The following GNA12 variants were observed in gnomAD, a reference collection of about 807,000 sequenced individuals.
GNA12 encodes G protein subunit alpha 12, also known as guanine nucleotide-binding protein subunit alpha-12.
GNA12 carries 9 observed loss-of-function variants against 26.0 expected under a neutral mutation model. The ratio of observed to expected loss-of-function variants is 0.35; its 90% CI spans 0.21 to 0.60. The LOEUF is 0.60. Ranked by LOEUF, GNA12 falls within the 20% of genes least tolerant of loss-of-function variation. The pLI is 0.78. For synonymous variants in GNA12, 264 were observed against 219.6 expected (o/e 1.20, Z -1.79); for missense variants, 405 against 525.8 (o/e 0.77, Z 2.25).
intron 1 of GNA12, among the ~76,000 whole-genome samples, chr7:2,804,025 A>C (rs1792881062): frequency 6.6e-6 from 1 of 152,206 alleles, no homozygotes; most frequent in Non-Finnish European, 1.5e-5. Flanking sequence ...AAGTCTCGGA[A>C]TCTCCCTTCA....
At chr7:2,767,789 T>C (rs1463527650) in intron 2 of GNA12, among the ~76,000 whole-genome samples, 1 of 152,218 alleles carries the variant, frequency 6.6e-6, no homozygotes, top group Non-Finnish European at 1.5e-5. Context: ...GTAAATAAAA[T>C]CTGAGAATAT....
chr7:2,766,989 G>T lies in GNA12; in HGVS notation c.525+27939C>A, dbSNP rs545126554. Among the ~76,000 whole-genome samples the T allele has an allele frequency of 2.0e-5, 3 of 152,254 alleles. No individual in the cohort carries two copies. The South Asian group carries it at 6.2e-4, about 32-fold the overall frequency. On this transcript the variant is annotated intron_variant, in intron 2 of 3. Coordinates refer to ENST00000275364, the MANE Select transcript of GNA12 (RefSeq NM_007353.3). ...TGATTTGCATTTCTCTGACCATCAG[G>T]GATACTGAGATACTTTGCATAGGCT...
intron 2 of GNA12, among the ~76,000 whole-genome samples, chr7:2,783,312 T>A (rs1290690293): frequency 2.0e-5 from 3 of 152,130 alleles, no homozygotes; most frequent in Non-Finnish European, 2.9e-5. Context: ...CGCACAGGGG[T>A]TGCCTGGACT....
chr7:2,741,430 AC>A (rs1263825713), intron 2 of GNA12, among the ~76,000 whole-genome samples: 1 of 152,202 alleles, frequency 6.6e-6, no homozygotes, highest in Non-Finnish European at 1.5e-5. Flanking sequence ...GGCTTCCACC[AC>A]AGAATCTCTA....
intron 2 of GNA12, among the ~76,000 whole-genome samples, chr7:2,781,503 C>T (rs932763321): frequency 6.6e-6 from 1 of 150,792 alleles, no homozygotes; most frequent in Non-Finnish European, 1.5e-5. Context: ...TTATCTAATT[C>T]TGCACCAACA....
At position 2,733,497 on chromosome 7, in the gene GNA12, TC is replaced by T; in HGVS notation, c.529del (p.Glu177SerfsTer3). 6.2e-7 allele frequency: 1 copy of T among 1,612,852 alleles called. No homozygotes were observed. The highest frequency in any genetic ancestry group is 8.5e-7 in the Non-Finnish European group (1 of 1,179,108). On this transcript the variant is annotated frameshift_variant, in exon 3 of 4. Coordinates refer to ENST00000275364, the MANE Select transcript of GNA12 (RefSeq NM_007353.3). LOFTEE classifies it high-confidence loss of function. ...FSRRSEFQLG[E>X]SVKYFLDNLD... ...GTTGTCCAGGAAGTACTTCACCGAC[TC>T]CCCCTGTCAGGAAGGAAGAATATTC...
chr7:2,801,297 C>T (rs947485958), intron 1 of GNA12, among the ~76,000 whole-genome samples: 8 of 152,228 alleles, frequency 5.3e-5, no homozygotes, highest in Admixed American at 2.6e-4. Flanking sequence ...AGTACAATCT[C>T]ACTCAGAAGT....
At chr7:2,835,693 A>G in intron 1 of GNA12, 5 of 1,067,840 alleles carry the variant, frequency 4.7e-6, no homozygotes, top group Non-Finnish European at 7.2e-6. Flanking sequence ...AAAGATAAAC[A>G]AATTTGCATG....
chr7:2,840,428 G>A (rs1011293750), intron 1 of GNA12, among the ~76,000 whole-genome samples: 1 of 152,136 alleles, frequency 6.6e-6, no homozygotes, highest in Non-Finnish European at 1.5e-5. Context: ...AAAGGATCAG[G>A]CACGATGTGT....
intron 2 of GNA12, chr7:2,763,155 CT>C (rs1791649378): frequency 8.4e-7 from 1 of 1,184,844 alleles, no homozygotes. Flanking sequence ...GAATATTCTG[CT>C]GACAAGAGGT....
intron 1 of GNA12, among the ~76,000 whole-genome samples, chr7:2,808,577 T>C (rs1793006656): frequency 6.6e-6 from 1 of 152,194 alleles, no homozygotes; most frequent in African/African-American, 2.4e-5. Flanking sequence ...GGCCTGCAGC[T>C]AGGGGAGATG....
At chr7:2,766,064 T>G (rs1488482442) in intron 2 of GNA12, among the ~76,000 whole-genome samples, 2 of 152,214 alleles carry the variant, frequency 1.3e-5, no homozygotes, top group Non-Finnish European at 1.5e-5. Context: ...GAAACCGATC[T>G]CCAAAACTTT....
At chr7:2,820,401 C>CTTTTTTTTTTTTTTT (rs35674433) in intron 1 of GNA12, among the ~76,000 whole-genome samples, 67 of 126,342 alleles carry the variant, frequency 5.3e-4, no homozygotes, top group Middle Eastern at 8.8e-3. Flanking sequence ...CTCAATAAAG[C>CTTTTTTTTTTTTTTT]TTTTTTTTTT....
At chr7:2,734,524 A>G (rs1777993745) in intron 2 of GNA12, among the ~76,000 whole-genome samples, 1 of 152,222 alleles carries the variant, frequency 6.6e-6, no homozygotes, top group Admixed American at 6.5e-5. Context: ...AGAGAAGGCC[A>G]TCAGAATGGA....
rs888620395 is a variant in GNA12 at position 2,843,898 on chromosome 7, C to T, written c.264G>A (p.Lys88=). The change falls in exon 1 of 4, where the codon AAG becomes AAA. Residue 88 remains lysine, a synonymous_variant. Transcript: ENST00000275364. The stretch of plus-strand genomic sequence containing the variant: ...TGGTGTCGCGGAACTCCAGCAGCGC[C>T]TTCTGGTCGAACTCGCGGCCGTGGA... The part of the protein sequence containing the change: ...RIIHGREFDQ[K]ALLEFRDTIF... The T allele has an allele frequency of 6.3e-7, 1 of 1,575,398 alleles. No homozygotes were observed. The highest frequency in any genetic ancestry group is 8.6e-7 in the Non-Finnish European group (1 of 1,162,350).
intron 2 of GNA12, among the ~76,000 whole-genome samples, chr7:2,777,304 T>C (rs1427735615): frequency 6.6e-6 from 1 of 152,254 alleles, no homozygotes; most frequent in Non-Finnish European, 1.5e-5. Flanking sequence ...GGTATATTAA[T>C]ACCTCGAAAG....
At chr7:2,808,986 C>G (rs1793014890) in intron 1 of GNA12, among the ~76,000 whole-genome samples, 1 of 152,242 alleles carries the variant, frequency 6.6e-6, no homozygotes, top group African/African-American at 2.4e-5. Flanking sequence ...GGCTCACTTC[C>G]TCAATGCTCA....
At chr7:2,843,788 C>A (rs1255758742) in intron 1 of GNA12, 65 bp downstream of exon 1, 3 of 870,870 alleles carry the variant, frequency 3.4e-6, no homozygotes, top group Non-Finnish European at 4.9e-6. Flanking sequence ...CACGGAGGGG[C>A]CCGGGGCGGG....
chr7:2,754,187 C>CAGCA (rs1251791633), intron 2 of GNA12, among the ~76,000 whole-genome samples: 1 of 152,208 alleles, frequency 6.6e-6, no homozygotes, highest in East Asian at 1.9e-4. Flanking sequence ...TGCTAGCTCA[C>CAGCA]AGCAGTCTGA....
Sources: allele counts gnomAD v4.1 joint callset (sites outside exome capture counted in the v4.1 genomes callset), GRCh38; gene constraint gnomAD v4.1.1; transcripts MANE v1.5; gene names NCBI Gene and HGNC (gene_info 2026-07-23, HGNC 2026-07-21).